The following UNC5D variants were observed in gnomAD, a reference collection of about 807,000 sequenced individuals.
UNC5D encodes the protein netrin receptor UNC5D.
In UNC5D, 39 loss-of-function variants were observed where a neutral mutation model predicts 105.4. That is an observed-to-expected ratio of 0.37 (90% CI 0.29 to 0.48). The LOEUF (loss-of-function observed/expected upper bound fraction) is 0.48. UNC5D is among the 20% of genes least tolerant of loss of function. The probability of loss-of-function intolerance (pLI) is 0.98; values close to 1 mark genes in which losing one functional copy is unlikely to be tolerated. For synonymous variants in UNC5D, 452 were observed against 450.4 expected (o/e 1.00, Z -0.04); for missense variants, 991 against 1,202.4 (o/e 0.82, Z 2.60).
intron 1 of UNC5D, among the ~76,000 whole-genome samples, chr8:35,527,363 C>T (rs965162259): frequency 6.6e-6 from 1 of 152,066 alleles, no homozygotes; most frequent in African/African-American, 2.4e-5. Context: ...ATTCTGTAGA[C>T]CGAGTGGCTT....
At chr8:35,736,217 C>T (rs915474083) in intron 11 of UNC5D, among the ~76,000 whole-genome samples, 1 of 151,836 alleles carries the variant, frequency 6.6e-6, no homozygotes, top group African/African-American at 2.4e-5. Flanking sequence ...TAAAATAAAA[C>T]AAAATTAATA....
intron 9 of UNC5D, chr8:35,724,374 G>A (rs905503911): frequency 6.9e-7 from 1 of 1,446,428 alleles, no homozygotes; most frequent in Non-Finnish European, 9.2e-7. Flanking sequence ...CTGTCTTAGA[G>A]AGATCCGTTT....
At chr8:35,633,849 G>A (rs1392638845) in intron 4 of UNC5D, among the ~76,000 whole-genome samples, 2 of 152,142 alleles carry the variant, frequency 1.3e-5, no homozygotes, top group African/African-American at 4.8e-5. Flanking sequence ...CAGGGATGTG[G>A]TATCACAGAG....
intron 1 of UNC5D, among the ~76,000 whole-genome samples, chr8:35,435,793 T>C (rs989508806): frequency 2.0e-5 from 3 of 152,056 alleles, no homozygotes; most frequent in African/African-American, 4.8e-5. Context: ...ATAAATAGTG[T>C]TCAAAGTTTC....
At chr8:35,597,445 G>T (rs562764212) in intron 4 of UNC5D, among the ~76,000 whole-genome samples, 1 of 152,250 alleles carries the variant, frequency 6.6e-6, no homozygotes, top group Admixed American at 6.5e-5. Flanking sequence ...GTGTTCCTAG[G>T]AGCCTAACAG....
At chr8:35,631,434 G>T (rs1822037734) in intron 4 of UNC5D, among the ~76,000 whole-genome samples, 2 of 152,174 alleles carry the variant, frequency 1.3e-5, no homozygotes, top group Non-Finnish European at 2.9e-5. Context: ...TCAGACTCCT[G>T]GTCAAATGTC....
chr8:35,625,332 A>T (rs548594198), intron 4 of UNC5D, among the ~76,000 whole-genome samples: 160 of 152,326 alleles, frequency 1.1e-3, no homozygotes, highest in Non-Finnish European at 1.9e-3. Flanking sequence ...GTTCTGGTGG[A>T]TATCTACATA....
At chr8:35,666,318 T>C (rs1824418900) in intron 4 of UNC5D, among the ~76,000 whole-genome samples, 1 of 152,098 alleles carries the variant, frequency 6.6e-6, no homozygotes. Flanking sequence ...GACTAATCCG[T>C]ACATTGCATT....
intron 1 of UNC5D, among the ~76,000 whole-genome samples, chr8:35,276,175 A>G (rs1805765887): frequency 6.6e-6 from 1 of 152,218 alleles, no homozygotes; most frequent in South Asian, 2.1e-4. Context: ...AAAGAGGTTT[A>G]CACTGATTTG....
chr8:35,674,834 C>T (rs1403628002), intron 4 of UNC5D, among the ~76,000 whole-genome samples: 3 of 152,166 alleles, frequency 2.0e-5, no homozygotes, highest in Non-Finnish European at 4.4e-5. Flanking sequence ...TCCCCGTTTT[C>T]TCACAAAAGC....
intron 1 of UNC5D, among the ~76,000 whole-genome samples, chr8:35,249,220 A>G (rs13279514): frequency 0.27 from 39,981 of 145,418 alleles, 6,183 homozygotes; most frequent in East Asian, 0.64. Context: ...TATCCTCAAA[A>G]AGCCATAAAT....
At chr8:35,564,209 G>A (rs959533033) in intron 2 of UNC5D, among the ~76,000 whole-genome samples, 2 of 151,940 alleles carry the variant, frequency 1.3e-5, no homozygotes, top group Admixed American at 1.3e-4. Flanking sequence ...CCATTCTGGA[G>A]AATATGTTAT....
At chr8:35,331,233 TG>T (rs1810606929) in intron 1 of UNC5D, among the ~76,000 whole-genome samples, 1 of 152,148 alleles carries the variant, frequency 6.6e-6, no homozygotes, top group African/African-American at 2.4e-5. Flanking sequence ...GGGGGGCCAT[TG>T]GGCTTGCTTG....
intron 8 of UNC5D, among the ~76,000 whole-genome samples, chr8:35,712,778 G>A (rs1421311475): frequency 6.6e-6 from 1 of 152,164 alleles, no homozygotes; most frequent in Non-Finnish European, 1.5e-5. Context: ...CCACAAAACT[G>A]TCTGTGTCTT....
intron 4 of UNC5D, among the ~76,000 whole-genome samples, chr8:35,656,337 T>G (rs546145606): frequency 6.6e-6 from 1 of 152,302 alleles, no homozygotes; most frequent in African/African-American, 2.4e-5. Flanking sequence ...GCCTCCAACC[T>G]TTTTCCATCC....
At chr8:35,543,931 GACAGGCACTC>G (rs1292498393) in intron 1 of UNC5D, among the ~76,000 whole-genome samples, 4 of 152,228 alleles carry the variant, frequency 2.6e-5, no homozygotes, top group African/African-American at 9.6e-5. Context: ...ATTACCCTGC[GACAGGCACTC>G]ACTAAATTAG....
intron 4 of UNC5D, among the ~76,000 whole-genome samples, chr8:35,649,274 G>T (rs1458781579): frequency 6.6e-6 from 1 of 152,142 alleles, no homozygotes; most frequent in Admixed American, 6.5e-5. Flanking sequence ...AAAGCAGGCA[G>T]GAGTGGCACT....
At chr8:35,645,516 A>ATGTGTGTGTGC (rs1822992629) in intron 4 of UNC5D, among the ~76,000 whole-genome samples, 1 of 144,102 alleles carries the variant, frequency 6.9e-6, no homozygotes, top group Non-Finnish European at 1.5e-5. Context: ...TATCGTATAT[A>ATGTGTGTGTGC]TGTGTGTGTG....
At chr8:35,541,435 A>G (rs1431132833) in intron 1 of UNC5D, among the ~76,000 whole-genome samples, 1 of 152,224 alleles carries the variant, frequency 6.6e-6, no homozygotes, top group African/African-American at 2.4e-5. Context: ...ATTTAGCTCT[A>G]CCTAACTTTT....
Sources: gnomAD v4.1 joint callset for allele counts (sites outside exome capture counted in the v4.1 genomes callset) on GRCh38, gnomAD v4.1.1 for gene constraint, MANE v1.5 for transcripts, NCBI Gene and HGNC (gene_info 2026-07-23, HGNC 2026-07-21) for gene names.